CELF2: variants seen among roughly 807,000 people sequenced by gnomAD.
The protein encoded by CELF2 is CUGBP Elav-like family member 2.
A neutral mutation model predicts 62.6 loss-of-function variants in CELF2; 8 were observed. That is an observed-to-expected ratio of 0.13 (90% CI 0.07 to 0.23). CELF2 has a LOEUF of 0.23. CELF2 is among the 10% of genes least tolerant of loss of function. The pLI is 1.00. For synonymous variants in CELF2, 258 were observed against 250.0 expected (o/e 1.03, Z -0.30); for missense variants, 333 against 671.0 (o/e 0.50, Z 5.56).
At chr10:11,187,572 C>T (rs1198335340) in intron 2 of CELF2, among the ~76,000 whole-genome samples, 4 of 109,172 alleles carry the variant, frequency 3.7e-5, no homozygotes, top group Non-Finnish European at 5.1e-5. Flanking sequence ...TCACTAAGGT[C>T]GCCCCCCCCC....
intron 2 of CELF2, chr10:10,970,887 T>C (rs900753261): frequency 2.0e-5 from 3 of 152,114 alleles, no homozygotes; most frequent in Admixed American, 6.5e-5. Context: ...TTTCTTTTCT[T>C]TGTGTAAGTT....
chr10:10,879,803 A>G (rs2061338675), intron 1 of CELF2, among the ~76,000 whole-genome samples: 1 of 152,062 alleles, frequency 6.6e-6, no homozygotes, highest in East Asian at 1.9e-4. Flanking sequence ...TAACTCCAGT[A>G]TTTTCAAAGA....
chr10:10,742,816 A>G, the CELF2 span, among the ~76,000 whole-genome samples: 5 of 152,234 alleles, frequency 3.3e-5, no homozygotes, highest in Non-Finnish European at 7.3e-5. Flanking sequence ...GTACCTCACT[A>G]GAAATGTGCA....
At chr10:10,469,246 C>T in the CELF2 span, among the ~76,000 whole-genome samples, 4 of 152,016 alleles carry the variant, frequency 2.6e-5, no homozygotes, top group Non-Finnish European at 1.5e-5. Context: ...TCTAAATACA[C>T]CATCAACTTT....
chr10:11,231,665 T>G (rs1335358391), intron 3 of CELF2, among the ~76,000 whole-genome samples: 2 of 151,626 alleles, frequency 1.3e-5, no homozygotes, highest in Non-Finnish European at 2.9e-5. Flanking sequence ...AAATCCTGTT[T>G]ACTTAGTTTG....
the CELF2 span, among the ~76,000 whole-genome samples, chr10:10,581,700 C>A: frequency 6.6e-6 from 1 of 152,098 alleles, no homozygotes; most frequent in African/African-American, 2.4e-5. Context: ...ATTTGGTAAC[C>A]ATTAAGATAT....
upstream of CELF2, among the ~76,000 whole-genome samples, chr10:11,000,602 G>A (rs374781088): frequency 2.8e-4 from 43 of 152,180 alleles, no homozygotes; most frequent in East Asian, 5.2e-3. Flanking sequence ...TTTGTCACTG[G>A]GATGGCCACC....
chr10:11,326,090 T>C (rs1012942478), intron 12 of CELF2, 111 bp downstream of exon 12: 1 of 1,099,864 alleles, frequency 9.1e-7, no homozygotes, highest in South Asian at 1.7e-5. Context: ...CCACATTGTG[T>C]TGGGCTCTGA....
chr10:11,043,222 G>A (rs1175861171), intron 1 of CELF2, among the ~76,000 whole-genome samples: 2 of 152,186 alleles, frequency 1.3e-5, no homozygotes, highest in East Asian at 3.8e-4. Context: ...TAATGAGAAG[G>A]GTGGGACACA....
At chr10:11,225,248 A>G (rs559773580) in intron 3 of CELF2, among the ~76,000 whole-genome samples, 9 of 152,302 alleles carry the variant, frequency 5.9e-5, no homozygotes, top group Non-Finnish European at 1.2e-4. Flanking sequence ...GCTCTCTTTC[A>G]TGGTCCTCAT....
intron 2 of CELF2, among the ~76,000 whole-genome samples, chr10:10,954,248 T>C (rs1173447936): frequency 8.4e-5 from 12 of 143,668 alleles, no homozygotes; most frequent in African/African-American, 3.2e-4. Context: ...ATTATTATTA[T>C]TATTATTATT....
intron 1 of CELF2, among the ~76,000 whole-genome samples, chr10:10,832,501 AT>A (rs1438052533): frequency 1.3e-5 from 2 of 152,194 alleles, no homozygotes; most frequent in Non-Finnish European, 2.9e-5. Flanking sequence ...TCTGCATTTC[AT>A]GCTGGACCTC....
chr10:11,267,271 A>G lies in CELF2; in HGVS notation c.618+594A>G, dbSNP rs1022410424. Among the ~76,000 whole-genome samples, 5 of 152,272 alleles carry G rather than the reference A, an allele frequency of 3.3e-5. No homozygotes were observed. Among genetic ancestry groups the G allele is most frequent in the South Asian group, 2.1e-4 (1 of 4,834 alleles). On this transcript the variant is annotated intron_variant, in intron 6 of 12. Coordinates refer to ENST00000633077, the MANE Select transcript of CELF2 (RefSeq NM_001326342.2). The surrounding 1 kb of genome is among the most constrained non-coding windows in gnomAD (Gnocchi z 4.4). ...AAAAGATGAGCAATAACAAAGAAAC[A>G]TAATAAAGGCTCAAATGTGGTCTCC...
At chr10:10,777,238 C>G in the CELF2 span, among the ~76,000 whole-genome samples, 1 of 152,192 alleles carries the variant, frequency 6.6e-6, no homozygotes, top group South Asian at 2.1e-4. Flanking sequence ...CACATTGTCA[C>G]CTCCATCCAG....
Position 10,961,716 on chromosome 10 carries a change from A to G in CELF2, c.89+41717A>G, listed in dbSNP as rs1194842536. ...CAGTGAGCCAAGATGGCACCACTGC[A>G]CTCCACCCTGAGCAACAGAGCAAGA... is the stretch of plus-strand genomic sequence containing the variant. On this transcript the variant is annotated intron_variant, in intron 2 of 13. Coordinates refer to the CELF2 transcript ENST00000636488. Among the ~76,000 whole-genome samples the G allele has an allele frequency of 6.6e-5, 10 of 151,794 alleles. No homozygotes were observed. In the East Asian group the frequency reaches 1.9e-3, roughly 29 times the overall value.
At chr10:10,584,328 G>A in the CELF2 span, among the ~76,000 whole-genome samples, 4 of 152,176 alleles carry the variant, frequency 2.6e-5, no homozygotes, top group Non-Finnish European at 1.5e-5. Flanking sequence ...CATAAAAGGG[G>A]AAATGACATA....
chr10:10,594,128 AG>A, the CELF2 span, among the ~76,000 whole-genome samples: 1 of 152,186 alleles, frequency 6.6e-6, no homozygotes, highest in Admixed American at 6.5e-5. Flanking sequence ...GGCGGAGAAG[AG>A]GTGATAGGTT....
the CELF2 span, among the ~76,000 whole-genome samples, chr10:10,696,651 T>C: frequency 0.28 from 42,188 of 151,688 alleles, 6,267 homozygotes; most frequent in South Asian, 0.47. Context: ...TAGCAACCAG[T>C]GAGATTCCGT....
chr10:11,072,600 A>C (rs971465939), intron 1 of CELF2, among the ~76,000 whole-genome samples: 1 of 152,160 alleles, frequency 6.6e-6, no homozygotes, highest in Non-Finnish European at 1.5e-5. Context: ...TCTGGGACAA[A>C]CCAGCATTAT....
Sources: allele counts gnomAD v4.1 joint callset (sites outside exome capture counted in the v4.1 genomes callset), GRCh38; gene constraint gnomAD v4.1.1; non-coding constraint Gnocchi (gnomAD v3.1); transcripts MANE v1.5; gene names NCBI Gene and HGNC (gene_info 2026-07-23, HGNC 2026-07-21).